Variants in SLC4A5 observed in about 807,000 individuals in gnomAD.
SLC4A5 encodes solute carrier family 4 member 5.
Under a neutral mutation model 120.4 loss-of-function variants are expected in SLC4A5, and 96 were observed. The observed-to-expected ratio is 0.80, with a 90% CI of 0.68 to 0.94. The LOEUF (loss-of-function observed/expected upper bound fraction) is 0.94, where lower values mean the gene tolerates loss of function less well. Among genes scored for constraint, SLC4A5 ranks in the 40% least tolerant of loss-of-function variants. The pLI is 0.00. For synonymous variants in SLC4A5, 550 were observed against 571.1 expected (o/e 0.96, Z 0.53); for missense variants, 1,259 against 1,459.5 (o/e 0.86, Z 2.24).
chr2:74,220,292 T>C (rs1437103447), intron 30 of SLC4A5, among the ~76,000 whole-genome samples: 1 of 152,226 alleles, frequency 6.6e-6, no homozygotes, highest in Non-Finnish European at 1.5e-5. Context: ...TCCTGGCAAC[T>C]GGCCTTGAAC....
chr2:74,264,250 G>A, exon 10 of SLC4A5: 1 of 1,614,208 alleles, frequency 6.2e-7, no homozygotes, highest in Non-Finnish European at 8.5e-7. Flanking sequence ...CCCTCTCCCG[G>A]AGCTCTGGCC....
rs535488925 is a variant in SLC4A5 at position 74,257,615 on chromosome 2, T to A, written c.868-1683A>T. On this transcript the variant is annotated intron_variant, in intron 12 of 30. Coordinates refer to ENST00000394019, the Ensembl canonical transcript of SLC4A5. ...TTGTTTTGAGACAAGAGTCTCACTC[T>A]GTCGTAAAGGCTGGAGTGCAGTGGC... Among the ~76,000 whole-genome samples the A allele has an allele frequency of 7.9e-5, 12 of 152,248 alleles. No homozygotes were observed. The South Asian group carries it at 2.5e-3, about 32-fold the overall frequency.
chr2:74,241,776 T>C (rs72921336), intron 20 of SLC4A5, among the ~76,000 whole-genome samples: 2,062 of 149,098 alleles, frequency 0.014, 45 homozygotes, highest in African/African-American at 0.048. Context: ...AAAACATGGA[T>C]TTAACAGAAT....
exon 18 of SLC4A5, chr2:74,248,412 G>A: frequency 6.2e-7 from 1 of 1,614,232 alleles, no homozygotes; most frequent in Non-Finnish European, 8.5e-7. Context: ...TGCTGAGAAT[G>A]ATGAGAGGCT....
At chr2:74,300,581 C>T (rs1290472860) in intron 7 of SLC4A5, among the ~76,000 whole-genome samples, 1 of 152,168 alleles carries the variant, frequency 6.6e-6, no homozygotes, top group East Asian at 1.9e-4. Flanking sequence ...TGACAGGTGT[C>T]ACCTGCTCCA....
chr2:74,303,129 T>C (rs1461002827), intron 7 of SLC4A5, among the ~76,000 whole-genome samples: 1 of 151,926 alleles, frequency 6.6e-6, no homozygotes, highest in Non-Finnish European at 1.5e-5. Flanking sequence ...TGTGTGTGTG[T>C]GTGTGTGTTG....
At chr2:74,222,987 C>T in intron 28 of SLC4A5, 35 bp from the exon 29 acceptor site, 1 of 1,424,656 alleles carries the variant, frequency 7.0e-7, no homozygotes, top group African/African-American at 1.5e-5. Context: ...GGATAAACAC[C>T]AACACAACAA....
chr2:74,285,352 C>T (rs974505182), intron 8 of SLC4A5, among the ~76,000 whole-genome samples: 1 of 152,058 alleles, frequency 6.6e-6, no homozygotes, highest in Non-Finnish European at 1.5e-5. Context: ...CAAATGGGGT[C>T]AAAAATACAG....
chr2:74,259,773 G>A (rs1381032624), intron 11 of SLC4A5, 130 bp from the exon 12 acceptor site: 1 of 829,822 alleles, frequency 1.2e-6, no homozygotes, highest in South Asian at 1.4e-5. Context: ...TAATCCTGCA[G>A]TCCCCTTAAA....
intron 22 of SLC4A5, 56 bp from the exon 23 acceptor site, chr2:74,233,619 T>G: frequency 6.6e-7 from 1 of 1,523,896 alleles, no homozygotes; most frequent in South Asian, 1.2e-5. Flanking sequence ...CCCAGGGCAC[T>G]TGTCGCCTGG....
At chr2:74,251,535 T>TC (rs1338012139) in intron 16 of SLC4A5, among the ~76,000 whole-genome samples, 2 of 152,038 alleles carry the variant, frequency 1.3e-5, no homozygotes, top group African/African-American at 4.8e-5. Flanking sequence ...TTGAGTTGTG[T>TC]CCCCCCAAAA....
rs983117661 is a variant in SLC4A5 at position 74,304,590 on chromosome 2, A to T, written c.170T>A (p.Val57Asp). ...CTGGTCTGGCCGCAGGCCCCAGTGGACTTTTTGCAGGCCTGAAAGATGTCC... is the reference window on the plus strand; with the variant it reads ...CTGGTCTGGCCGCAGGCCCCAGTGGTCTTTTTGCAGGCCTGAAAGATGTCC... Residue 57 changes from valine to aspartate, a missense_variant, in exon 7 of 31, where the codon GTC becomes GAC. Val to Asp is a radical substitution (Grantham distance 152, BLOSUM62 -3). Transcript: ENST00000394019. 9.3e-6 allele frequency: 15 copies of T among 1,613,986 alleles called. No homozygotes were observed. Among genetic ancestry groups the T allele is most frequent in the Non-Finnish European group, 1.3e-5 (15 of 1,180,028 alleles).
intron 7 of SLC4A5, among the ~76,000 whole-genome samples, chr2:74,291,824 G>A (rs1384157859): frequency 6.6e-6 from 1 of 152,210 alleles, no homozygotes; most frequent in African/African-American, 2.4e-5. Context: ...ACCAGGCCCT[G>A]CCTGAGGGTC....
chr2:74,249,528 C>T (rs1341035265), intron 17 of SLC4A5, among the ~76,000 whole-genome samples: 2 of 152,072 alleles, frequency 1.3e-5, no homozygotes, highest in Admixed American at 6.6e-5. Flanking sequence ...GGAGATGAGG[C>T]GTGAGAGCCA....
At chr2:74,277,651 C>T (rs1396664147) in intron 8 of SLC4A5, among the ~76,000 whole-genome samples, 1 of 152,120 alleles carries the variant, frequency 6.6e-6, no homozygotes, top group Non-Finnish European at 1.5e-5. Context: ...GTGATCCTAA[C>T]AAGACAGGAG....
At chr2:74,311,690 T>C (rs1284803688) in intron 6 of SLC4A5, among the ~76,000 whole-genome samples, 1 of 152,208 alleles carries the variant, frequency 6.6e-6, no homozygotes, top group Admixed American at 6.5e-5. Flanking sequence ...TCTGTTCCTT[T>C]AAATTTGTTC....
intron 2 of SLC4A5, among the ~76,000 whole-genome samples, chr2:74,339,999 T>C (rs905989580): frequency 7.9e-5 from 12 of 152,148 alleles, no homozygotes; most frequent in African/African-American, 2.9e-4. Flanking sequence ...GATTTATAGA[T>C]ACAGAGAGTA....
At chr2:74,232,365 G>C in intron 24 of SLC4A5, 104 bp downstream of exon 24, 1 of 1,350,292 alleles carries the variant, frequency 7.4e-7, no homozygotes, top group Non-Finnish European at 1.0e-6. Context: ...CGTCAGAGCG[G>C]GGGCCCTTTT....
At chr2:74,254,497 T>C (rs1670896075) in intron 14 of SLC4A5, 122 bp downstream of exon 14, 19 of 745,896 alleles carry the variant, frequency 2.5e-5, no homozygotes, top group South Asian at 2.0e-4. Flanking sequence ...TAGCATCCTA[T>C]GTAGTGCCTG....
Sources: allele counts gnomAD v4.1 joint callset (sites outside exome capture counted in the v4.1 genomes callset), GRCh38; gene constraint gnomAD v4.1.1; transcripts MANE v1.5; gene names NCBI Gene and HGNC (gene_info 2026-07-23, HGNC 2026-07-21).